The following VSNL1 variants were observed in gnomAD, a reference collection of about 807,000 sequenced individuals.
VSNL1 encodes the protein visinin-like protein 1.
VSNL1 carries 6 observed loss-of-function variants against 20.4 expected under a neutral mutation model. That is an observed-to-expected ratio of 0.29 (90% CI 0.16 to 0.58). VSNL1 has a LOEUF of 0.58. Among genes scored for constraint, VSNL1 ranks in the 20% least tolerant of loss-of-function variants. The pLI, the probability that VSNL1 is intolerant of heterozygous loss-of-function variation, is 0.90. For missense variants in VSNL1, 100 were observed against 234.5 expected (o/e 0.43, Z 3.75); for synonymous variants, 93 against 86.4 (o/e 1.08, Z -0.42).
At chr2:17,573,179 G>C (rs1044335802) in intron 1 of VSNL1, among the ~76,000 whole-genome samples, 1 of 152,164 alleles carries the variant, frequency 6.6e-6, no homozygotes, top group African/African-American at 2.4e-5. Context: ...ATAAACTATT[G>C]ACACATTTTG....
intron 1 of VSNL1, among the ~76,000 whole-genome samples, chr2:17,569,371 T>C (rs1664029760): frequency 6.6e-6 from 1 of 151,618 alleles, no homozygotes. Flanking sequence ...AAAAAAATAT[T>C]GTCATGTGCC....
intron 2 of VSNL1, among the ~76,000 whole-genome samples, chr2:17,597,088 C>T (rs989398931): frequency 1.3e-5 from 2 of 152,108 alleles, no homozygotes; most frequent in Non-Finnish European, 2.9e-5. Context: ...GGAAAATGTG[C>T]CCTAGTCAAA....
Position 17,655,457 on chromosome 2 carries a change from A to T in VSNL1, c.*63A>T, listed in dbSNP as rs1201298212. 2 of 302,426 alleles carry T rather than the reference A, an allele frequency of 6.6e-6. No individual in the cohort carries two copies. The highest frequency in any genetic ancestry group is 9.0e-6 in the Non-Finnish European group (2 of 221,154). The allele number at this position is 302,426 out of a possible 1,614,324, so 18.7% of individuals were successfully genotyped here. ...TGTTCCATTCAGTCTGCAGCTATTC[A>T]CACACACACACACACACACACACAC... On this transcript the variant is annotated 3_prime_UTR_variant, in exon 4 of 4. Transcript: ENST00000295156. This position sits in a 1 kb window ranked among gnomAD's most constrained non-coding sequence, Gnocchi z 5.2.
intron 3 of VSNL1, among the ~76,000 whole-genome samples, chr2:17,651,233 C>T (rs902109952): frequency 1.3e-5 from 2 of 152,208 alleles, no homozygotes; most frequent in Non-Finnish European, 2.9e-5. Flanking sequence ...AGGACATACC[C>T]ACACTTACAC....
At chr2:17,651,548 G>A (rs535232085) in intron 3 of VSNL1, among the ~76,000 whole-genome samples, 2 of 152,332 alleles carry the variant, frequency 1.3e-5, no homozygotes, top group African/African-American at 4.8e-5. Flanking sequence ...TGACAGAGTG[G>A]TCTTGTTTTT....
chr2:17,647,543 C>T (rs923251780), intron 2 of VSNL1, among the ~76,000 whole-genome samples: 1 of 152,170 alleles, frequency 6.6e-6, no homozygotes, highest in South Asian at 2.1e-4. Context: ...TTTTCAGATT[C>T]AACATTGTTT....
chr2:17,623,229 G>A (rs1038150537), intron 2 of VSNL1, among the ~76,000 whole-genome samples: 15 of 152,070 alleles, frequency 9.9e-5, no homozygotes, highest in Non-Finnish European at 1.2e-4. Flanking sequence ...AGTCCACTTC[G>A]AAGAGTAAAG....
At chr2:17,646,057 CT>C (rs1307558469) in intron 2 of VSNL1, among the ~76,000 whole-genome samples, 1 of 152,142 alleles carries the variant, frequency 6.6e-6, no homozygotes, top group Non-Finnish European at 1.5e-5. Context: ...AAATTTTATA[CT>C]TCTTTATATG....
intron 1 of VSNL1, among the ~76,000 whole-genome samples, chr2:17,568,373 T>C (rs899754860): frequency 6.6e-6 from 1 of 152,158 alleles, no homozygotes; most frequent in Non-Finnish European, 1.5e-5. Flanking sequence ...CCTCTGGTGA[T>C]TTTCCCACCT....
At chr2:17,639,672 CAAT>C (rs1156467499) in intron 2 of VSNL1, among the ~76,000 whole-genome samples, 1 of 152,094 alleles carries the variant, frequency 6.6e-6, no homozygotes. Flanking sequence ...ATAATAACAA[CAAT>C]AATAATAGCA....
At chr2:17,590,099 C>T (rs1450893279) in intron 1 of VSNL1, among the ~76,000 whole-genome samples, 1 of 152,154 alleles carries the variant, frequency 6.6e-6, no homozygotes, top group African/African-American at 2.4e-5. Flanking sequence ...CCCCAGGGAG[C>T]TCCCCTAATC....
At chr2:17,554,685 A>G (rs1663631263) in intron 1 of VSNL1, among the ~76,000 whole-genome samples, 1 of 152,130 alleles carries the variant, frequency 6.6e-6, no homozygotes, top group East Asian at 1.9e-4. Context: ...CTCTTAAGTG[A>G]GACTCAGTGA....
At chr2:17,648,569 AT>A (rs1666050337) in intron 2 of VSNL1, among the ~76,000 whole-genome samples, 1 of 152,172 alleles carries the variant, frequency 6.6e-6, no homozygotes, top group African/African-American at 2.4e-5. Flanking sequence ...AAAATAGCAC[AT>A]GGTTTGTTTT....
intron 2 of VSNL1, among the ~76,000 whole-genome samples, chr2:17,615,897 G>A (rs1665206175): frequency 6.6e-6 from 1 of 152,124 alleles, no homozygotes; most frequent in Admixed American, 6.5e-5. Context: ...TATACCACTT[G>A]GACAGGAAAT....
intron 1 of VSNL1, among the ~76,000 whole-genome samples, chr2:17,583,053 T>C (rs1237456594): frequency 6.6e-6 from 1 of 152,160 alleles, no homozygotes; most frequent in Non-Finnish European, 1.5e-5. Flanking sequence ...TTAGAATTAC[T>C]GTAGAGATAA....
At chr2:17,632,214 A>G (rs1303562584) in intron 2 of VSNL1, among the ~76,000 whole-genome samples, 2 of 152,076 alleles carry the variant, frequency 1.3e-5, no homozygotes, top group Admixed American at 1.3e-4. Context: ...CCAGTGTGAG[A>G]AACTTTGTCA....
intron 2 of VSNL1, among the ~76,000 whole-genome samples, chr2:17,614,936 A>C (rs945245233): frequency 3.3e-5 from 5 of 152,252 alleles, no homozygotes; most frequent in African/African-American, 1.2e-4. Flanking sequence ...GCCTGCACTT[A>C]GGAAGTTACC....
chr2:17,564,522 G>A (rs991067541), intron 1 of VSNL1, among the ~76,000 whole-genome samples: 1 of 151,994 alleles, frequency 6.6e-6, no homozygotes, highest in African/African-American at 2.4e-5. Context: ...TGTGTTCTTA[G>A]TACAATGGCA....
chr2:17,626,468 C>T (rs1665510882), intron 2 of VSNL1, among the ~76,000 whole-genome samples: 1 of 152,138 alleles, frequency 6.6e-6, no homozygotes, highest in African/African-American at 2.4e-5. Flanking sequence ...AAGTCCTAAG[C>T]GACAGCCAGT....
Sources: allele counts gnomAD v4.1 joint callset (sites outside exome capture counted in the v4.1 genomes callset), GRCh38; gene constraint gnomAD v4.1.1; non-coding constraint Gnocchi (gnomAD v3.1); transcripts MANE v1.5; gene names NCBI Gene and HGNC (gene_info 2026-07-23, HGNC 2026-07-21).